TMEM50B: variants seen among roughly 807,000 people sequenced by gnomAD.
The protein encoded by TMEM50B is HCV p7-trans-regulated protein 3.
A neutral mutation model predicts 23.4 loss-of-function variants in TMEM50B; 14 were observed. That is an observed-to-expected ratio of 0.60 (90% CI 0.39 to 0.93). The LOEUF is 0.93. Among genes scored for constraint, TMEM50B ranks in the 40% least tolerant of loss-of-function variants. The pLI is 0.00. For synonymous variants in TMEM50B, 64 were observed against 62.3 expected (o/e 1.03, Z -0.13); for missense variants, 159 against 193.0 (o/e 0.82, Z 1.04).
intron 4 of TMEM50B, among the ~76,000 whole-genome samples, chr21:33,460,856 C>T (rs949657389): frequency 2.0e-5 from 3 of 152,178 alleles, no homozygotes; most frequent in African/African-American, 7.2e-5. Context: ...GAATGAGAGA[C>T]TTCAAATGAA....
At chr21:33,438,899 T>G (rs2083983255) in intron 8 of TMEM50B, among the ~76,000 whole-genome samples, 1 of 151,968 alleles carries the variant, frequency 6.6e-6, no homozygotes, top group Admixed American at 6.6e-5. Context: ...CTGGCTAATT[T>G]TTGTATTTTT....
rs773186876 is a variant in TMEM50B at position 33,436,817 on chromosome 21, ACCT to A, written c.*2120+2394_*2120+2396del. 4.5e-5 allele frequency: 73 copies of A among 1,613,670 alleles called. 1 individual carries two copies. In the South Asian group the frequency reaches 7.5e-4, roughly 17 times the overall value. ...AAACTAATTACAATTTTGCTTTCCA[ACCT>A]CCTCAAGTATTTAAAAGACCCAACT... On this transcript the variant is annotated intron_variant and NMD_transcript_variant, in intron 8 of 8. Transcript: ENST00000420455.
At chr21:33,453,539 CA>C (rs1273405085) in intron 6 of TMEM50B, among the ~76,000 whole-genome samples, 1 of 151,934 alleles carries the variant, frequency 6.6e-6, no homozygotes, top group South Asian at 2.1e-4. Flanking sequence ...GCAGTGGATA[CA>C]AAAAATGCTT....
intron 2 of TMEM50B, 150 bp from the exon 3 acceptor site, chr21:33,467,272 G>A: frequency 1.6e-6 from 1 of 623,392 alleles, no homozygotes; most frequent in Non-Finnish European, 2.7e-6. Context: ...GGCCAAGGCA[G>A]GTGGATTACT....
chr21:33,470,185 C>A (rs2084300248), intron 1 of TMEM50B, among the ~76,000 whole-genome samples: 1 of 151,834 alleles, frequency 6.6e-6, no homozygotes, highest in African/African-American at 2.4e-5. Context: ...AGAAAGAAAA[C>A]ACAGCCAGAT....
intron 5 of TMEM50B, 198 bp from the exon 6 acceptor site, chr21:33,455,982 G>A (rs1345003722): frequency 1.4e-6 from 1 of 705,914 alleles, no homozygotes. Flanking sequence ...CTCTTACTCT[G>A]GATAAAAGTC....
chr21:33,452,847 GAC>G (rs2084134069), intron 6 of TMEM50B, among the ~76,000 whole-genome samples: 1 of 152,154 alleles, frequency 6.6e-6, no homozygotes, highest in Non-Finnish European at 1.5e-5. Context: ...ATGCAGAAAT[GAC>G]ACAGACAATT....
chr21:33,456,655 AC>A (rs1455247205), intron 5 of TMEM50B, among the ~76,000 whole-genome samples: 1 of 152,164 alleles, frequency 6.6e-6, no homozygotes, highest in Non-Finnish European at 1.5e-5. Flanking sequence ...TTTGAGCCAG[AC>A]CCAGGTTTGA....
chr21:33,436,157 AG>A (rs1219718323), intron 8 of TMEM50B, among the ~76,000 whole-genome samples: 1 of 99,426 alleles, frequency 1.0e-5, no homozygotes, highest in Non-Finnish European at 2.0e-5. Context: ...CAGGAGTTCG[AG>A]ACAGCCTGAC....
At chr21:33,446,553 A>T (rs1428394125), downstream of TMEM50B, among the ~76,000 whole-genome samples, 2 of 148,586 alleles carry the variant, frequency 1.3e-5, no homozygotes, top group African/African-American at 2.5e-5. Flanking sequence ...TACATTTTTC[A>T]ACATGTTCCA....
intron 7 of TMEM50B, among the ~76,000 whole-genome samples, chr21:33,441,627 T>TTTTA (rs1045436898): frequency 9.2e-5 from 14 of 151,856 alleles, no homozygotes; most frequent in Middle Eastern, 3.2e-3. Flanking sequence ...TTGTGATCAT[T>TTTTA]TTTATTTATT....
intron 8 of TMEM50B, among the ~76,000 whole-genome samples, chr21:33,434,610 T>C (rs1442159909): frequency 2.0e-5 from 3 of 152,302 alleles, no homozygotes; most frequent in African/African-American, 7.2e-5. Flanking sequence ...GGAAGCAGAA[T>C]GTTACTCAGT....
intron 7 of TMEM50B, among the ~76,000 whole-genome samples, chr21:33,441,162 G>A (rs1488261473): frequency 1.3e-5 from 2 of 151,772 alleles, no homozygotes. Context: ...CCCACAAGGT[G>A]GAAGTTGCAG....
At chr21:33,479,239 G>T (rs1380442922) in intron 1 of TMEM50B, 1 of 160,756 alleles carries the variant, frequency 6.2e-6, no homozygotes, top group South Asian at 1.5e-4. Context: ...CTTATTTAAC[G>T]GAGCTCAAGG....
chr21:33,444,578 C>A (rs920705123), downstream of TMEM50B, among the ~76,000 whole-genome samples: 1 of 151,426 alleles, frequency 6.6e-6, no homozygotes, highest in Non-Finnish European at 1.5e-5. Flanking sequence ...AAACTCACAA[C>A]TTCCATGGTG....
At chr21:33,466,452 C>T (rs1313480904) in intron 3 of TMEM50B, among the ~76,000 whole-genome samples, 2 of 151,718 alleles carry the variant, frequency 1.3e-5, no homozygotes, top group Non-Finnish European at 2.9e-5. Flanking sequence ...TTGCCTTTTC[C>T]TCAAACACTG....
At position 33,468,849 on chromosome 21, in the gene TMEM50B, A is replaced by T; in HGVS notation, c.37T>A (p.Cys13Ser). Residue 13 changes from cysteine (C) to serine (S), a missense_variant, in exon 2 of 7, where the codon TGT becomes AGT. Cys to Ser is a moderately radical substitution (Grantham distance 112). Transcript: ENST00000542230. ...CTCTCACTCCAGTCAATACATTCAC[A>T]TTCTGGCCAACGAAAATTATCTAGG... ...GFLDNFRWPE[C>S]ECIDWSERRN... 6.2e-7 allele frequency: 1 copy of T among 1,613,886 alleles called. No individual in the cohort carries two copies. Among genetic ancestry groups the T allele is most frequent in the Non-Finnish European group, 8.5e-7 (1 of 1,179,966 alleles).
intron 5 of TMEM50B, among the ~76,000 whole-genome samples, chr21:33,459,107 G>A (rs2084194871): frequency 6.6e-6 from 1 of 152,196 alleles, no homozygotes; most frequent in African/African-American, 2.4e-5. Context: ...TGAATAAATT[G>A]CGTTCTCTGA....
In TMEM50B at chr21:33,436,988, G is replaced by A; in HGVS notation, c.*2120+2226C>T. On this transcript the variant is annotated intron_variant and NMD_transcript_variant, in intron 8 of 8. Transcript: ENST00000420455. ...ACCAAAGCATGGGCCTAGCCCACTG[G>A]CTCCCTGGAAGAGATCAAGCCATCG... 3.1e-6 allele frequency: 5 copies of A among 1,612,826 alleles called. No individual in the cohort carries two copies. In the South Asian group the frequency reaches 4.4e-5, roughly 14 times the overall value.
Sources: gnomAD v4.1 joint callset for allele counts (sites outside exome capture counted in the v4.1 genomes callset) on GRCh38, gnomAD v4.1.1 for gene constraint, MANE v1.5 for transcripts, NCBI Gene and HGNC (gene_info 2026-07-23, HGNC 2026-07-21) for gene names.